Variants in FER1L5 observed in about 807,000 individuals in gnomAD.
The protein encoded by FER1L5 is fer-1 like family member 5.
A neutral mutation model predicts 279.9 loss-of-function variants in FER1L5; 187 were observed. That is an observed-to-expected ratio of 0.67 (90% CI 0.59 to 0.75). The LOEUF is 0.75. Among genes scored for constraint, FER1L5 ranks in the 30% least tolerant of loss-of-function variants. FER1L5 has a pLI of 0.00. For synonymous variants in FER1L5, 921 were observed against 989.7 expected, an observed-to-expected ratio of 0.93 and a Z score of 1.30; for missense variants, 2,091 against 2,594.4, an observed-to-expected ratio of 0.81 and a Z score of 4.21.
chr2:96,668,706 C>T, intron 14 of FER1L5, 45 bp from the exon 15 acceptor site: 1 of 1,550,056 alleles, frequency 6.5e-7, no homozygotes, highest in Non-Finnish European at 8.7e-7. Flanking sequence ...GAGGGCCAGA[C>T]CATCCCAATG....
chr2:96,700,548 G>T, intron 45 of FER1L5, 77 bp downstream of exon 45: 2 of 1,591,818 alleles, frequency 1.3e-6, no homozygotes, highest in Non-Finnish European at 1.7e-6. Flanking sequence ...GTCCACCCAG[G>T]ACATAGTCCA....
intron 26 of FER1L5, among the ~76,000 whole-genome samples, chr2:96,690,144 A>G (rs1322025401): frequency 6.6e-6 from 1 of 152,184 alleles, no homozygotes; most frequent in Non-Finnish European, 1.5e-5. Flanking sequence ...ATGGGGCACT[A>G]GTGAGATGAA....
Position 96,698,039 on chromosome 2 carries a change from G to A in FER1L5, c.4239G>A (p.Val1413=), listed in dbSNP as rs757680462. The change falls in exon 40 of 53, where the codon GTG becomes GTA. Residue 1413 remains valine, a splice_region_variant and synonymous_variant. Transcript: ENST00000624922. This position sits in a 1 kb window ranked among gnomAD's most constrained non-coding sequence, Gnocchi z 5.5. The stretch of plus-strand genomic sequence containing the variant: ...CAGGGTTCCACACACCTCTGCAGGT[G>A]TATGAGTGTGAGCTGGAGGCCGTGC... ...YKYKDYHTLK[V]YECELEAVPA... is the part of the protein sequence containing the mutation. 52 of 1,568,742 alleles carry A rather than the reference G, an allele frequency of 3.3e-5. No homozygotes were observed. The Admixed American group carries it at 5.1e-4, about 15-fold the overall frequency.
chr2:96,646,531 C>T (rs2075138174), intron 2 of FER1L5, 78 bp downstream of exon 2: 2 of 1,446,052 alleles, frequency 1.4e-6, no homozygotes, highest in Non-Finnish European at 1.9e-6. Context: ...CAGGAAGGTG[C>T]TCAGAGGTCT....
In FER1L5 at chr2:96,692,029, G is replaced by GGA. The variant is rs1553461305; in HGVS notation, c.3214+67_3214+68dup. 6 of 975,698 alleles carry GGA rather than the reference G, an allele frequency of 6.1e-6. No individual in the cohort carries two copies. In the African/African-American group the frequency reaches 8.3e-5, roughly 14 times the overall value. 60.4% of individuals were successfully genotyped at this position (975,698 alleles called of 1,614,324 possible). ...GCCAGTACCCGAGGGCGGGGGGGGG[G>GGA]GACAGGGTGGGGGCAGTCAGAGGGA... is the stretch of plus-strand genomic sequence containing the variant. On this transcript the variant is annotated intron_variant, in intron 30 of 52. Transcript: ENST00000624922.
chr2:96,700,104 G>A lies in FER1L5; in HGVS notation c.4930+24G>A, dbSNP rs749981142. The stretch of plus-strand genomic sequence containing the variant: ...TGGTGAGCAGCGCAGAACACTAGCA[G>A]AAAGCACAGACACAGGCCTCTGGAA... On this transcript the variant is annotated intron_variant, in intron 44 of 52. Coordinates refer to ENST00000624922, the MANE Select transcript of FER1L5 (RefSeq NM_001293083.2). 3.7e-6 allele frequency: 6 copies of A among 1,613,106 alleles called. No individual in the cohort carries two copies. In the South Asian group the frequency reaches 5.5e-5, roughly 15 times the overall value.
At chr2:96,703,484 G>A (rs1268987208) in intron 50 of FER1L5, 39 bp from the exon 51 acceptor site, 3 of 1,612,374 alleles carry the variant, frequency 1.9e-6, no homozygotes, top group East Asian at 2.2e-5. Context: ...GGCTCCTGCT[G>A]TCTGCACTCA....
chr2:96,683,793 C>G (rs2076820946), intron 19 of FER1L5, among the ~76,000 whole-genome samples: 1 of 152,226 alleles, frequency 6.6e-6, no homozygotes, highest in Non-Finnish European at 1.5e-5. Context: ...ATTTCTGCCT[C>G]TAAGGCCAAC....
intron 11 of FER1L5, 63 bp downstream of exon 11, chr2:96,661,503 C>A: frequency 6.6e-7 from 1 of 1,507,886 alleles, no homozygotes; most frequent in Non-Finnish European, 9.0e-7. Flanking sequence ...CACCCCTGGG[C>A]CTCACCCTGG....
rs2077478526 is a variant in FER1L5 at position 96,698,765 on chromosome 2, A to C, written c.4451A>C (p.Gln1484Pro). The C allele has an allele frequency of 6.4e-7, 1 of 1,569,188 alleles. No homozygotes were observed. Among genetic ancestry groups the C allele is most frequent in the South Asian group, 1.2e-5 (1 of 84,940 alleles). ...LVWPEREDFPQPCLVRVYMVR... is the reference protein window; with the variant it reads ...LVWPEREDFPPPCLVRVYMVR... ...TGGCCAGAGAGAGAGGACTTCCCCC[A>C]GCCGTGCTTGGTGCGGGTGTACATG... Residue 1484 changes from glutamine to proline, a missense_variant, in exon 41 of 53, where the codon CAG becomes CCG. Coordinates refer to ENST00000624922, the MANE Select transcript of FER1L5 (RefSeq NM_001293083.2). This position sits in a 1 kb window ranked among gnomAD's most constrained non-coding sequence, Gnocchi z 5.5.
chr2:96,699,255 C>A (rs1324562728), intron 42 of FER1L5, 119 bp downstream of exon 42: 98 of 1,034,854 alleles, frequency 9.5e-5, no homozygotes, highest in Non-Finnish European at 1.3e-4. Flanking sequence ...CCCACCACAG[C>A]GTCTTACATG....
At position 96,699,549 on chromosome 2, in the gene FER1L5, G is replaced by C. The variant is rs2153307804; in HGVS notation, c.4611-1G>C. 1.2e-6 allele frequency: 2 copies of C among 1,613,044 alleles called. No homozygotes were observed. Among genetic ancestry groups the C allele is most frequent in the East Asian group, 4.5e-5 (2 of 44,864 alleles). On this transcript the variant is annotated splice_acceptor_variant, in intron 42 of 52. Transcript: ENST00000624922. LOFTEE classifies it high-confidence loss of function. ...TGCAGTCTCCAACACCTCACCCCTA[G>C]GATGTTTGAACTCACCTGCAACATA...
At chr2:96,697,462 C>T (rs1272533731) in intron 37 of FER1L5, 64 bp from the exon 38 acceptor site, 2 of 1,571,166 alleles carry the variant, frequency 1.3e-6, no homozygotes, top group African/African-American at 1.3e-5. Context: ...CCCCCCTCTC[C>T]TCTCTGAAGT....
Position 96,694,410 on chromosome 2 carries a change from G to A in FER1L5, c.3687G>A (p.Gly1229=). ...LPILSVPWKN[G]AYTLPKSIQP... Reference sequence around the variant, plus strand: ...TCTTAAGCGTTCCCTGGAAGAATGGGGCATACACACTCCCCAAGAGCATCC... The same window carrying A: ...TCTTAAGCGTTCCCTGGAAGAATGGAGCATACACACTCCCCAAGAGCATCC... The change falls in exon 34 of 53, where the codon GGG becomes GGA. Residue 1229 remains glycine, a synonymous_variant. Coordinates refer to ENST00000624922, the MANE Select transcript of FER1L5 (RefSeq NM_001293083.2). This position sits in a 1 kb window ranked among gnomAD's most constrained non-coding sequence, Gnocchi z 4.6. 1 of 1,550,820 alleles carries A rather than the reference G, an allele frequency of 6.4e-7. No homozygotes were observed. Among genetic ancestry groups the A allele is most frequent in the Non-Finnish European group, 8.7e-7 (1 of 1,146,584 alleles).
chr2:96,699,248 A>G, intron 42 of FER1L5, 112 bp downstream of exon 42: 1 of 1,127,006 alleles, frequency 8.9e-7, no homozygotes. Context: ...CCAAGTTCCC[A>G]CCACAGCGTC....
intron 1 of FER1L5, among the ~76,000 whole-genome samples, chr2:96,645,881 A>C (rs1189697696): frequency 6.6e-6 from 1 of 152,224 alleles, no homozygotes; most frequent in Non-Finnish European, 1.5e-5. Context: ...TCACACAGTG[A>C]TAAAATCAAG....
At chr2:96,703,486 C>A (rs567669789) in intron 50 of FER1L5, 37 bp from the exon 51 acceptor site, 1 of 1,612,274 alleles carries the variant, frequency 6.2e-7, no homozygotes, top group South Asian at 1.1e-5. Context: ...CTCCTGCTGT[C>A]TGCACTCAGC....
At position 96,670,156 on chromosome 2, in the gene FER1L5, G is replaced by A. The variant is rs753822238; in HGVS notation, c.1400G>A (p.Arg467Gln). ...TCTGTTAGGGATGGTTTAGCTTATC[G>A]AGGCCGAGTCTTCCTGGAGTTAATC... is the stretch of plus-strand genomic sequence containing the variant. Reference protein sequence around the residue: ...PDSVRDGLAYRGRVFLELITQ... With the variant: ...PDSVRDGLAYQGRVFLELITQ... Residue 467 changes from arginine (R) to glutamine (Q), a missense_variant, in exon 18 of 53, where the codon CGA becomes CAA. Transcript: ENST00000624922. 17 of 1,551,456 alleles carry A rather than the reference G, an allele frequency of 1.1e-5. No homozygotes were observed. The highest frequency in any genetic ancestry group is 6.1e-6 in the Non-Finnish European group (7 of 1,146,982).
chr2:96,697,967 G>T, intron 39 of FER1L5, 70 bp from the exon 40 acceptor site: 2 of 1,518,092 alleles, frequency 1.3e-6, no homozygotes, highest in Admixed American at 2.1e-5. Flanking sequence ...AGACCTGGGA[G>T]CTGGTGGTCC....
Sources: allele counts gnomAD v4.1 joint callset (sites outside exome capture counted in the v4.1 genomes callset), GRCh38; gene constraint gnomAD v4.1.1; non-coding constraint Gnocchi (gnomAD v3.1); transcripts MANE v1.5; gene names NCBI Gene and HGNC (gene_info 2026-07-23, HGNC 2026-07-21).